TEX38: variants seen among roughly 807,000 people sequenced by gnomAD.
TEX38 encodes testis expressed 38.
In TEX38, 5 loss-of-function variants were observed where a neutral mutation model predicts 2.7. The observed-to-expected ratio is 1.86, with a 90% CI of 0.97 to 3.90. TEX38 has a LOEUF of 3.90. Among genes scored for constraint, TEX38 ranks in the 30% most tolerant of loss-of-function variants. The pLI, the probability that TEX38 is intolerant of heterozygous loss-of-function variation, is 0.00. For missense variants in TEX38, 218 were observed against 247.9 expected, an observed-to-expected ratio of 0.88 and a Z score of 0.81; for synonymous variants, 110 against 103.3, an observed-to-expected ratio of 1.06 and a Z score of -0.39.
At position 46,673,156 on chromosome 1, in the gene TEX38, C is replaced by A; in HGVS notation, c.321C>A (p.Ile107=). 1.3e-6 allele frequency: 2 copies of A among 1,551,690 alleles called. No homozygotes were observed. The highest frequency in any genetic ancestry group is 1.7e-6 in the Non-Finnish European group (2 of 1,146,958). The change falls in exon 2 of 2, where the codon ATC becomes ATA. Residue 107 remains isoleucine, a synonymous_variant. Coordinates refer to ENST00000334122, the MANE Select transcript of TEX38 (RefSeq NM_001145474.4). Reference sequence around the variant, plus strand: ...CAGATGTTCTGTGGGATTTGGACATCCCCGAAGGCAGGAGCCATGCTGACC... The same window carrying A: ...CAGATGTTCTGTGGGATTTGGACATACCCGAAGGCAGGAGCCATGCTGACC... The part of the protein sequence containing the change: ...QNPDVLWDLD[I]PEGRSHADQD...
chr1:46,672,433 C>T (rs183167168), intron 1 of TEX38, among the ~76,000 whole-genome samples: 57 of 152,140 alleles, frequency 3.7e-4, no homozygotes, highest in African/African-American at 1.2e-3. Flanking sequence ...TTAGTAGAGA[C>T]GGGGTTTCAC....
chr1:46,673,002 G>C lies in TEX38; in HGVS notation c.167G>C (p.Arg56Thr), dbSNP rs1224590758. 74 of 1,551,548 alleles carry C rather than the reference G, an allele frequency of 4.8e-5. No homozygotes were observed. The highest frequency in any genetic ancestry group is 6.2e-5 in the Non-Finnish European group (71 of 1,146,994). Residue 56 changes from arginine to threonine, a missense_variant, in exon 2 of 2, where the codon AGA becomes ACA. Arg to Thr is a moderately conservative substitution (Grantham distance 71, BLOSUM62 -1). Coordinates refer to ENST00000334122, the MANE Select transcript of TEX38 (RefSeq NM_001145474.4). ...GCCCAGCAGTGGGTGGAGGTGATGA[G>C]AGCTGCCACATTCACCTACAGCCCA... ...EHAQQWVEVM[R>T]AATFTYSPLL... is the part of the protein sequence containing the mutation.
rs1011434271 is a variant in TEX38 at position 46,673,126 on chromosome 1, G to C, written c.291G>C (p.Gln97His). 2 of 1,551,628 alleles carry C rather than the reference G, an allele frequency of 1.3e-6. No homozygotes were observed. The highest frequency in any genetic ancestry group is 1.7e-6 in the Non-Finnish European group (2 of 1,146,988). Residue 97 changes from glutamine (Q) to histidine (H), a missense_variant, in exon 2 of 2, where the codon CAG (glutamine) becomes CAC (histidine). Transcript: ENST00000334122. ...TCACCAAGACTGAGACTGAGGTCCAGAATCCAGATGTTCTGTGGGATTTGG... is the reference window on the plus strand; with the variant it reads ...TCACCAAGACTGAGACTGAGGTCCACAATCCAGATGTTCTGTGGGATTTGG... The part of the protein sequence containing the change: ...PAVTKTETEV[Q>H]NPDVLWDLDI...
chr1:46,673,452 T>C lies in TEX38; in HGVS notation c.617T>C (p.Leu206Pro), dbSNP rs766236677. 45 of 1,545,376 alleles carry C rather than the reference T, an allele frequency of 2.9e-5. No homozygotes were observed. In the African/African-American group the frequency reaches 5.9e-4, roughly 20 times the overall value. Residue 206 changes from leucine (L) to proline (P), a missense_variant, in exon 2 of 2, where the codon CTG becomes CCG. Leu to Pro is a moderately conservative substitution (Grantham distance 98, BLOSUM62 -3). Coordinates refer to ENST00000334122, the MANE Select transcript of TEX38 (RefSeq NM_001145474.4). The stretch of plus-strand genomic sequence containing the variant: ...AATGCCAAGCCTTTTCCTTCAGAAC[T>C]GTAGCCTCCTCTCACTGAAGGTGGG... ...SFNAKPFPSEL is the reference protein window; with the variant it reads ...SFNAKPFPSEP
upstream of TEX38, among the ~76,000 whole-genome samples, chr1:46,670,433 A>T (rs1443822966): frequency 2.0e-5 from 3 of 152,176 alleles, no homozygotes; most frequent in Non-Finnish European, 4.4e-5. Context: ...GGTTTTGGAC[A>T]TGTTGGTTTG....
At chr1:46,672,783 T>C (rs1676607889) in intron 1 of TEX38, 90 bp from the exon 2 acceptor site, 5 of 1,172,654 alleles carry the variant, frequency 4.3e-6, no homozygotes, top group Non-Finnish European at 6.0e-6. Flanking sequence ...GATTGATGCA[T>C]GGGTTAAGTG....
At chr1:46,671,274 T>C (rs1292999059), upstream of TEX38, among the ~76,000 whole-genome samples, 1 of 151,706 alleles carries the variant, frequency 6.6e-6, no homozygotes, top group East Asian at 1.9e-4. Flanking sequence ...AAGGGAAAAG[T>C]GTGTGGAGGA....
At chr1:46,672,467 A>T (rs2007344) in intron 1 of TEX38, among the ~76,000 whole-genome samples, 57,968 of 152,052 alleles carry the variant, frequency 0.38, 12,632 homozygotes, top group Non-Finnish European at 0.5. Context: ...CTGGACTTGA[A>T]GTCCTGACCT....
upstream of TEX38, chr1:46,669,350 G>C (rs1226264218): frequency 2.2e-6 from 1 of 455,560 alleles, no homozygotes; most frequent in East Asian, 7.0e-5. Context: ...GCGAGGAACA[G>C]TGTAATGGAA....
chr1:46,672,698 TGACTGAATAAGG>T (rs1453411570), intron 1 of TEX38, among the ~76,000 whole-genome samples, 163 bp from the exon 2 acceptor site: 1 of 152,168 alleles, frequency 6.6e-6, no homozygotes, highest in Non-Finnish European at 1.5e-5. Flanking sequence ...AATCTAGCTT[TGACTGAATAAGG>T]GAATGATGAG....
rs774501380 is a variant in TEX38, at chr1:46,673,056, G to A, written c.221G>A (p.Arg74His). Reference protein sequence around the residue: ...PLLYWINKRRRYGMNAAINTG... With the variant: ...PLLYWINKRRHYGMNAAINTG... ...TTGTACTGGATTAACAAGCGACGGC[G>A]CTACGGCATGAATGCAGCCATCAAC... The change falls in exon 2 of 2, where the codon CGC becomes CAC. Residue 74 changes from arginine (R) to histidine (H), a missense_variant. Arg to His is a conservative substitution (Grantham distance 29). Transcript: ENST00000334122. 3.2e-5 allele frequency: 50 copies of A among 1,551,614 alleles called. No homozygotes were observed. In the East Asian group the frequency reaches 7.1e-4, roughly 22 times the overall value.
upstream of TEX38, among the ~76,000 whole-genome samples, chr1:46,670,666 G>C (rs568177555): frequency 2.0e-5 from 3 of 152,252 alleles, no homozygotes; most frequent in South Asian, 6.2e-4. Flanking sequence ...CAGGGGAAAA[G>C]GGAGAAACCA....
At chr1:46,669,722 TTGAGCAGAGACCTGAAGGTAA>T (rs1167298155), upstream of TEX38, among the ~76,000 whole-genome samples, 9 of 152,122 alleles carry the variant, frequency 5.9e-5, no homozygotes, top group African/African-American at 2.2e-4. Flanking sequence ...AAGGGGACAC[TTGAGCAGAGACCTGAAGGTAA>T]TGTGGGAATG....
upstream of TEX38, chr1:46,669,395 C>T: frequency 2.2e-6 from 1 of 456,078 alleles, no homozygotes; most frequent in Non-Finnish European, 4.4e-6. Flanking sequence ...CAGCCCATAC[C>T]TGGCTCACAC....
At chr1:46,672,819 C>A in intron 1 of TEX38, 54 bp from the exon 2 acceptor site, 6 of 1,464,652 alleles carry the variant, frequency 4.1e-6, no homozygotes, top group Non-Finnish European at 5.5e-6. Context: ...ACAGCTCAGG[C>A]CCCAAGCTAC....
At chr1:46,670,028 G>A (rs659308), upstream of TEX38, among the ~76,000 whole-genome samples, 2,113 of 152,272 alleles carry the variant, frequency 0.014, 48 homozygotes, top group African/African-American at 0.048. Context: ...GTGGAGGCAA[G>A]GATGGAAACT....
At chr1:46,669,463 AG>A (rs1157029782), upstream of TEX38, 3 of 455,944 alleles carry the variant, frequency 6.6e-6, no homozygotes, top group Non-Finnish European at 1.3e-5. Context: ...TCATCATCTA[AG>A]GGCTCAGTTC....
chr1:46,673,175 G>A lies in TEX38; in HGVS notation c.340G>A (p.Ala114Thr). 6.4e-7 allele frequency: 1 copy of A among 1,551,634 alleles called. No individual in the cohort carries two copies. The highest frequency in any genetic ancestry group is 1.2e-5 in the South Asian group (1 of 84,032). ...GGACATCCCCGAAGGCAGGAGCCAT[G>A]CTGACCAAGACAGCAACCCCAAGGC... ...DLDIPEGRSH[A>T]DQDSNPKAEA... The change falls in exon 2 of 2, where the codon GCT becomes ACT. Residue 114 changes from alanine (A) to threonine (T), a missense_variant. Coordinates refer to ENST00000334122, the MANE Select transcript of TEX38 (RefSeq NM_001145474.4).
In TEX38 at chr1:46,673,576, T is replaced by C. The variant is rs1370357724; in HGVS notation, c.*120T>C. The stretch of plus-strand genomic sequence containing the variant: ...CACCTGGATGTCATGCTATGAAACA[T>C]TAAAAGAAAAAAAAAAAAGTCCAAG... On this transcript the variant is annotated 3_prime_UTR_variant, in exon 2 of 2. Coordinates refer to ENST00000334122, the MANE Select transcript of TEX38 (RefSeq NM_001145474.4). The C allele has an allele frequency of 8.5e-6, 7 of 826,120 alleles. No individual in the cohort carries two copies. The highest frequency in any genetic ancestry group is 1.7e-6 in the Non-Finnish European group (1 of 581,150). The allele number at this position is 826,120 out of a possible 1,614,324, so 51.2% of individuals were successfully genotyped here. A position where few individuals can be genotyped will look rare whatever the true frequency, so the allele number is the denominator to read the frequency against.
Sources: gnomAD v4.1 joint callset for allele counts (sites outside exome capture counted in the v4.1 genomes callset) on GRCh38, gnomAD v4.1.1 for gene constraint, MANE v1.5 for transcripts, NCBI Gene and HGNC (gene_info 2026-07-23, HGNC 2026-07-21) for gene names.